ZFYVE9: variants seen among roughly 807,000 people sequenced by gnomAD.
The protein encoded by ZFYVE9 is zinc finger FYVE domain-containing protein 9.
In ZFYVE9, 43 loss-of-function variants were observed where a neutral mutation model predicts 126.7. The ratio of observed to expected loss-of-function variants is 0.34; its 90% confidence interval spans 0.27 to 0.44. The LOEUF (loss-of-function observed/expected upper bound fraction) is 0.44, where lower values mean the gene tolerates loss of function less well. ZFYVE9 is among the 20% of genes least tolerant of loss of function. The probability of loss-of-function intolerance (pLI) is 1.00; values close to 1 mark genes in which losing one functional copy is unlikely to be tolerated. For synonymous variants in ZFYVE9, 521 were observed against 597.4 expected (o/e 0.87, Z 1.87); for missense variants, 1,476 against 1,697.0 (o/e 0.87, Z 2.29).
intron 17 of ZFYVE9, among the ~76,000 whole-genome samples, chr1:52,342,727 T>C (rs1646449177): frequency 6.6e-6 from 1 of 151,868 alleles, no homozygotes; most frequent in Non-Finnish European, 1.5e-5. Flanking sequence ...GTAGACAGGG[T>C]TTCACCATGT....
In ZFYVE9 at chr1:52,293,674, C is replaced by G. The variant is rs772639839; in HGVS notation, c.3247C>G (p.Arg1083Gly). The G allele has an allele frequency of 6.2e-7, 1 of 1,613,274 alleles. No individual in the cohort carries two copies. The highest frequency in any genetic ancestry group is 1.1e-5 in the South Asian group (1 of 90,962). Reference protein sequence around the residue: ...RLMLRLGAEYRLYPCPLFSVR... With the variant: ...RLMLRLGAEYGLYPCPLFSVR... ...GATGTTGAGACTTGGAGCTGAATAT[C>G]GACGTAAGTAGTAAAAACACGTTTT... is the stretch of plus-strand genomic sequence containing the variant. The change falls in exon 11 of 19, where the codon CGA (arginine) becomes GGA (glycine). Residue 1083 changes from arginine (R) to glycine (G), a missense_variant. Coordinates refer to ENST00000287727, the MANE Select transcript of ZFYVE9 (RefSeq NM_004799.4).
intron 12 of ZFYVE9, among the ~76,000 whole-genome samples, chr1:52,303,013 G>A (rs1266391663): frequency 1.3e-5 from 2 of 152,088 alleles, no homozygotes; most frequent in African/African-American, 4.8e-5. Context: ...GGGAAGCTGA[G>A]GCATGAGACT....
chr1:52,300,277 C>T (rs1390468088), intron 12 of ZFYVE9, among the ~76,000 whole-genome samples: 2 of 152,004 alleles, frequency 1.3e-5, no homozygotes, highest in South Asian at 2.1e-4. Flanking sequence ...ATGTCACTGT[C>T]GTTTAGAGAG....
At chr1:52,281,018 G>T (rs962440384) in intron 9 of ZFYVE9, among the ~76,000 whole-genome samples, 3 of 151,684 alleles carry the variant, frequency 2.0e-5, no homozygotes, top group Non-Finnish European at 4.4e-5. Context: ...ACATAGTTTG[G>T]TTTTATTTTA....
chr1:52,265,866 G>A (rs1443361703), intron 5 of ZFYVE9, among the ~76,000 whole-genome samples: 1 of 152,152 alleles, frequency 6.6e-6, no homozygotes, highest in Admixed American at 6.5e-5. Context: ...AAATTTTACA[G>A]TAGAGTTATT....
At chr1:52,232,419 G>T (rs138116022) in intron 2 of ZFYVE9, among the ~76,000 whole-genome samples, 2 of 152,182 alleles carry the variant, frequency 1.3e-5, no homozygotes, top group Non-Finnish European at 2.9e-5. Context: ...AATGGTACTC[G>T]AAGAGGGTTA....
intron 1 of ZFYVE9, among the ~76,000 whole-genome samples, chr1:52,192,639 A>G (rs1195019719): frequency 1.3e-5 from 2 of 152,346 alleles, no homozygotes; most frequent in East Asian, 1.9e-4. Flanking sequence ...GTGTCATACT[A>G]GAAAATATTT....
At chr1:52,316,181 A>AAG (rs1234859837) in intron 13 of ZFYVE9, among the ~76,000 whole-genome samples, 7 of 148,050 alleles carry the variant, frequency 4.7e-5, no homozygotes, top group African/African-American at 9.9e-5. Context: ...AAAAAAAAAA[A>AAG]AAAAAAAAAG....
chr1:52,330,473 T>A (rs1271207804), intron 13 of ZFYVE9, among the ~76,000 whole-genome samples: 1 of 149,490 alleles, frequency 6.7e-6, no homozygotes, highest in Admixed American at 6.6e-5. Flanking sequence ...AACAAAGGGT[T>A]TTCTGGGAAA....
At chr1:52,282,890 T>C (rs1645818002) in intron 10 of ZFYVE9, among the ~76,000 whole-genome samples, 2 of 152,192 alleles carry the variant, frequency 1.3e-5, no homozygotes. Context: ...AAAATGCTCT[T>C]TAAATAATTA....
At position 52,255,975 on chromosome 1, in the gene ZFYVE9, T is replaced by TC. The variant is rs1491379928; in HGVS notation, c.2179-7797dup. Among the ~76,000 whole-genome samples the TC allele has an allele frequency of 1.4e-3, 195 of 144,368 alleles. 3 individuals carry two copies. The highest frequency in any genetic ancestry group is 5.0e-3 in the African/African-American group (180 of 36,154). The allele number at this position is 144,368 out of a possible 152,430, so 94.7% of individuals were successfully genotyped here. On this transcript the variant is annotated intron_variant, in intron 4 of 18. Transcript: ENST00000287727. ...TTTCTTTTCTTTTCTTTTCTTTCTT[T>TC]CTTTCTTTCCTTCCTTCCTTCCTTC...
At chr1:52,292,282 C>CA (rs568918260) in intron 10 of ZFYVE9, among the ~76,000 whole-genome samples, 10,506 of 71,872 alleles carry the variant, frequency 0.15, 603 homozygotes, top group African/African-American at 0.26. Flanking sequence ...GACTCCATCT[C>CA]AAAAAAAAAA....
chr1:52,240,236 TTTTG>T (rs976051948), intron 4 of ZFYVE9, among the ~76,000 whole-genome samples: 17 of 152,310 alleles, frequency 1.1e-4, no homozygotes, highest in East Asian at 9.6e-4. Context: ...AACACATCTT[TTTTG>T]TTTGTTTGTT....
At chr1:52,155,234 CTTT>C (rs202048189) in intron 1 of ZFYVE9, among the ~76,000 whole-genome samples, 2 of 129,084 alleles carry the variant, frequency 1.5e-5, no homozygotes. Context: ...TCTTTTTTTT[CTTT>C]TTTTTTTTTT....
At chr1:52,202,063 C>T (rs187585568) in intron 1 of ZFYVE9, among the ~76,000 whole-genome samples, 1,765 of 151,914 alleles carry the variant, frequency 0.012, 15 homozygotes, top group Non-Finnish European at 0.017. Context: ...GGATTACAGG[C>T]GTGAGCCACC....
rs187490810 is a variant in ZFYVE9, at chr1:52,280,913, C to A, written c.2870-748C>A. Among the ~76,000 whole-genome samples, 15 of 152,180 alleles carry A rather than the reference C, an allele frequency of 9.9e-5. 1 individual carries two copies. The East Asian group carries it at 2.7e-3, about 27-fold the overall frequency. On this transcript the variant is annotated intron_variant, in intron 9 of 18. Transcript: ENST00000287727. ...TTATTGGCTTTTGTTGTAATTACTT[C>A]TAGCCTTACATTGGTAATTACTTCC...
intron 12 of ZFYVE9, among the ~76,000 whole-genome samples, chr1:52,299,245 A>G (rs552518132): frequency 1.6e-4 from 24 of 152,234 alleles, no homozygotes; most frequent in African/African-American, 3.9e-4. Flanking sequence ...TAGAAACACT[A>G]CTGATTTTAC....
chr1:52,227,209 G>A (rs1442471075), intron 2 of ZFYVE9, among the ~76,000 whole-genome samples: 1 of 152,252 alleles, frequency 6.6e-6, no homozygotes, highest in Non-Finnish European at 1.5e-5. Context: ...GTTGAGGGTG[G>A]AGCAGAGGTA....
At chr1:52,146,385 T>C (rs905176110) in intron 1 of ZFYVE9, among the ~76,000 whole-genome samples, 2 of 152,134 alleles carry the variant, frequency 1.3e-5, no homozygotes, top group African/African-American at 4.8e-5. Context: ...CAAAAAACTC[T>C]CAATTTATTA....
Sources: gnomAD v4.1 joint callset for allele counts (sites outside exome capture counted in the v4.1 genomes callset) on GRCh38, gnomAD v4.1.1 for gene constraint, MANE v1.5 for transcripts, NCBI Gene and HGNC (gene_info 2026-07-23, HGNC 2026-07-21) for gene names.